SAMD3: variants seen among roughly 807,000 people sequenced by gnomAD.
The protein encoded by SAMD3 is sterile alpha motif domain containing 3, also known as sterile alpha motif domain-containing protein 3.
In SAMD3, 63 loss-of-function variants were observed where a neutral mutation model predicts 58.5. That is an observed-to-expected ratio of 1.08 (90% confidence interval 0.88 to 1.33). SAMD3 has a LOEUF of 1.33. Among genes scored for constraint, SAMD3 ranks in the 40% most tolerant of loss-of-function variants. The pLI is 0.00. For missense variants in SAMD3, 604 were observed against 608.4 expected (o/e 0.99, Z 0.08); for synonymous variants, 220 against 210.3 (o/e 1.05, Z -0.40).
rs138096133 is a variant in SAMD3 at position 130,175,961 on chromosome 6, T to A, written c.702A>T (p.Arg234Ser). 5 of 1,613,638 alleles carry A rather than the reference T, an allele frequency of 3.1e-6. No individual in the cohort carries two copies. The highest frequency in any genetic ancestry group is 4.2e-6 in the Non-Finnish European group (5 of 1,179,766). Residue 234 changes from arginine to serine, a missense_variant, in exon 8 of 12, where the codon AGA (arginine) becomes AGT (serine). Arg to Ser is a moderately radical substitution (Grantham distance 110). Transcript: ENST00000439090. ...ALKDRFKYVR[R>S]PIEDDEQVIR... ...TCACTTGCTCATCATCTTCTATGGG[T>A]CTTCGAACATATTTAAAGCGATCTT...
chr6:130,263,867 G>C (rs1774234767), intron 2 of SAMD3, among the ~76,000 whole-genome samples: 1 of 152,122 alleles, frequency 6.6e-6, no homozygotes, highest in Non-Finnish European at 1.5e-5. Context: ...CCCCGATGTA[G>C]AGTTTTCATG....
chr6:130,253,498 A>G (rs1773815217), intron 2 of SAMD3, among the ~76,000 whole-genome samples: 1 of 152,130 alleles, frequency 6.6e-6, no homozygotes, highest in Non-Finnish European at 1.5e-5. Context: ...AAAATCATTA[A>G]CAATGTGATC....
intron 2 of SAMD3, among the ~76,000 whole-genome samples, chr6:130,294,822 G>T (rs901165479): frequency 6.8e-6 from 1 of 147,004 alleles, no homozygotes; most frequent in East Asian, 2.0e-4. Context: ...TTGATTATTT[G>T]CAGGCAATTT....
chr6:130,365,039 A>C (rs891088975), intron 1 of SAMD3: 27 of 268,174 alleles, frequency 1.0e-4, no homozygotes, highest in Admixed American at 1.9e-4. Context: ...CAAGCATAGC[A>C]CACACCTTGT....
intron 1 of SAMD3, among the ~76,000 whole-genome samples, chr6:130,319,443 A>G (rs1776507325): frequency 6.7e-6 from 1 of 149,930 alleles, no homozygotes; most frequent in South Asian, 2.1e-4. Context: ...GGAGGAGAGC[A>G]GAGTTCTTGA....
intron 2 of SAMD3, among the ~76,000 whole-genome samples, chr6:130,271,713 G>C (rs897927885): frequency 6.6e-6 from 1 of 152,178 alleles, no homozygotes; most frequent in African/African-American, 2.4e-5. Context: ...GACATATCGA[G>C]ACTGGGTAAT....
chr6:130,158,940 G>T (rs1790041657), intron 8 of SAMD3, among the ~76,000 whole-genome samples: 1 of 152,198 alleles, frequency 6.6e-6, no homozygotes, highest in Admixed American at 6.5e-5. Context: ...TGTCTGATTG[G>T]TTGTGGGAAG....
intron 2 of SAMD3, among the ~76,000 whole-genome samples, chr6:130,292,600 TTTTGTTTG>T (rs139764816): frequency 1.5e-5 from 2 of 136,674 alleles, no homozygotes; most frequent in African/African-American, 5.7e-5. Context: ...AACAACTCTT[TTTTGTTTG>T]TTTGTTTGTT....
upstream of SAMD3, chr6:130,365,733 C>G: frequency 1.0e-6 from 1 of 985,512 alleles, no homozygotes; most frequent in Non-Finnish European, 1.2e-6. Flanking sequence ...GTACTTTGTT[C>G]CCAAAGATGG....
intron 1 of SAMD3, among the ~76,000 whole-genome samples, chr6:130,317,893 G>C (rs920606820): frequency 2.0e-5 from 3 of 152,160 alleles, no homozygotes; most frequent in South Asian, 4.1e-4. Context: ...AGATTCTCAG[G>C]GTAAGATTCT....
intron 2 of SAMD3, among the ~76,000 whole-genome samples, chr6:130,265,124 A>G (rs1824812): frequency 0.31 from 47,344 of 152,126 alleles, 7,757 homozygotes; most frequent in East Asian, 0.48. Context: ...CTAGATATCA[A>G]AGCTTGATCT....
chr6:130,181,863 G>C (rs1792360665), intron 7 of SAMD3, among the ~76,000 whole-genome samples: 1 of 151,670 alleles, frequency 6.6e-6, no homozygotes, highest in Non-Finnish European at 1.5e-5. Context: ...AAAAACACAA[G>C]TTCTATCCTG....
At chr6:130,234,448 A>G (rs1451435793) in intron 2 of SAMD3, among the ~76,000 whole-genome samples, 1 of 152,204 alleles carries the variant, frequency 6.6e-6, no homozygotes, top group Non-Finnish European at 1.5e-5. Context: ...TAAAGGGGAC[A>G]ATATGATACA....
intron 8 of SAMD3, chr6:130,161,975 A>G: frequency 3.2e-6 from 1 of 311,486 alleles, no homozygotes; most frequent in Non-Finnish European, 5.8e-6. Context: ...GGAATCAAAG[A>G]AAGTAGACAT....
chr6:130,145,264 ATAAG>A (rs1431628924), intron 11 of SAMD3, 72 bp downstream of exon 11: 21 of 718,200 alleles, frequency 2.9e-5, no homozygotes, highest in South Asian at 1.4e-4. Context: ...TCTCAAAAAT[ATAAG>A]TAAATAAATA....
chr6:130,188,973 T>G (rs987563217), intron 5 of SAMD3, among the ~76,000 whole-genome samples: 1 of 152,170 alleles, frequency 6.6e-6, no homozygotes, highest in East Asian at 1.9e-4. Flanking sequence ...CTGAGCTTTA[T>G]GTTGATGGAT....
At chr6:130,304,500 C>T (rs62433906) in intron 2 of SAMD3, among the ~76,000 whole-genome samples, 25,660 of 152,110 alleles carry the variant, frequency 0.17, 2,432 homozygotes, top group East Asian at 0.36. Flanking sequence ...AGTTGTTGGG[C>T]TTCTCTCTTT....
chr6:130,165,444 C>A (rs1292787594), intron 8 of SAMD3, among the ~76,000 whole-genome samples: 1 of 152,122 alleles, frequency 6.6e-6, no homozygotes. Flanking sequence ...AAGGCTCCAG[C>A]TGAGATGTAA....
chr6:130,256,845 C>T (rs115453193), intron 2 of SAMD3, among the ~76,000 whole-genome samples: 3,293 of 152,276 alleles, frequency 0.022, 70 homozygotes, highest in Middle Eastern at 0.048. Flanking sequence ...CTTTGTGAGA[C>T]ATTTTATTCA....
Sources: allele counts gnomAD v4.1 joint callset (sites outside exome capture counted in the v4.1 genomes callset), GRCh38; gene constraint gnomAD v4.1.1; transcripts MANE v1.5; gene names NCBI Gene and HGNC (gene_info 2026-07-23, HGNC 2026-07-21).